Variants in PUDP observed in about 807,000 individuals in gnomAD.
The protein encoded by PUDP is pseudouridine-5'-phosphatase.
In PUDP, 8 loss-of-function variants were observed where a neutral mutation model predicts 9.4. The ratio of observed to expected loss-of-function variants is 0.85; its 90% CI spans 0.50 to 1.53. PUDP has a LOEUF of 1.53. Ranked by LOEUF, PUDP falls within the 40% of genes most tolerant of loss-of-function variation. The probability of loss-of-function intolerance (pLI) is 0.00; values close to 1 mark genes in which losing one functional copy is unlikely to be tolerated. For synonymous variants in PUDP, 99 were observed against 80.7 expected (o/e 1.23, Z -1.22); for missense variants, 188 against 189.7 (o/e 0.99, Z 0.05).
At chrX:7,028,031 T>A (rs768802084) in intron 1 of PUDP, among the ~76,000 whole-genome samples, 1 of 105,529 alleles carries the variant, frequency 9.5e-6, no homozygotes, top group African/African-American at 3.4e-5. Flanking sequence ...ATAGTTTATA[T>A]ATAGAATGAT....
chrX:6,955,572 A>G (rs770025821), intron 3 of PUDP, among the ~76,000 whole-genome samples: 2 of 111,321 alleles, frequency 1.8e-5, no homozygotes, highest in Non-Finnish European at 3.8e-5. Flanking sequence ...ATGCTTTTCT[A>G]CTATATCCAT....
chrX:6,759,349 C>A (rs996691687), intron 3 of PUDP, among the ~76,000 whole-genome samples: 5 of 112,058 alleles, frequency 4.5e-5, no homozygotes, highest in African/African-American at 1.6e-4. Flanking sequence ...GTGCTTCATC[C>A]ATTATGCCAT....
chrX:6,830,783 T>C (rs775081452), intron 3 of PUDP, among the ~76,000 whole-genome samples: 2 of 112,283 alleles, frequency 1.8e-5, no homozygotes, highest in Middle Eastern at 4.6e-3. Flanking sequence ...AAAAAGAGTG[T>C]AAATATTGTA....
At chrX:6,816,313 T>C (rs1926233356) in intron 3 of PUDP, among the ~76,000 whole-genome samples, 1 of 104,701 alleles carries the variant, frequency 9.6e-6, no homozygotes, top group South Asian at 4.1e-4. Flanking sequence ...CATATATTAA[T>C]ACATATATGT....
At chrX:6,872,200 T>C (rs1290912385) in intron 3 of PUDP, among the ~76,000 whole-genome samples, 2 of 111,466 alleles carry the variant, frequency 1.8e-5, no homozygotes, top group Admixed American at 9.6e-5. Context: ...ATTCAGTCCA[T>C]ACCTGCAGAG....
At chrX:6,982,168 CCA>C (rs1049437761) in intron 1 of PUDP, among the ~76,000 whole-genome samples, 5 of 103,894 alleles carry the variant, frequency 4.8e-5, no homozygotes, top group Non-Finnish European at 6.0e-5. Context: ...ACTTACGGAG[CCA>C]CACACACACA....
intron 1 of PUDP, among the ~76,000 whole-genome samples, chrX:7,110,089 C>G (rs1453271298): frequency 8.9e-6 from 1 of 112,112 alleles, no homozygotes; most frequent in African/African-American, 3.2e-5. Context: ...TCTGAAGAAG[C>G]TACAGGGTGC....
chrX:6,807,292 G>A (rs1926066685), intron 3 of PUDP, among the ~76,000 whole-genome samples: 1 of 112,032 alleles, frequency 8.9e-6, no homozygotes, highest in African/African-American at 3.2e-5. Flanking sequence ...CTGCACAGAT[G>A]TCTTACCCTG....
rs752300124 is a variant in PUDP at position 6,743,822 on chromosome X, G to A, written c.*248-37356C>T. 2.8e-3 allele frequency among the ~76,000 whole-genome samples: 313 copies of A among 112,181 alleles called. 1 individual carries two copies. Among genetic ancestry groups the A allele is most frequent in the Non-Finnish European group, 4.5e-3 (238 of 53,299 alleles). ...TTCCAAAATGCCAATTTGTTATTTG[G>A]CATACAGGGAAGTTATAATAAGGGG... On this transcript the variant is annotated intron_variant and NMD_transcript_variant, in intron 3 of 3. Transcript: ENST00000655425.
intron 3 of PUDP, among the ~76,000 whole-genome samples, chrX:6,837,298 C>A (rs1926597518): frequency 8.9e-6 from 1 of 112,597 alleles, no homozygotes; most frequent in African/African-American, 3.2e-5. Flanking sequence ...CTGAAAGGAT[C>A]TGCTATCACA....
intron 3 of PUDP, among the ~76,000 whole-genome samples, chrX:6,876,870 CAT>C (rs1326454766): frequency 2.8e-5 from 3 of 108,485 alleles, no homozygotes; most frequent in East Asian, 2.9e-4. Context: ...TATACACACA[CAT>C]ATAAATATAG....
intron 2 of PUDP, among the ~76,000 whole-genome samples, chrX:7,095,504 T>G (rs1166085714): frequency 8.9e-6 from 1 of 112,284 alleles, no homozygotes; most frequent in African/African-American, 3.2e-5. Context: ...CTGGGGTTCC[T>G]AGGCACTGTC....
At chrX:7,072,006 G>T (rs1038703871) in intron 3 of PUDP, among the ~76,000 whole-genome samples, 1 of 110,901 alleles carries the variant, frequency 9.0e-6, no homozygotes, top group Non-Finnish European at 1.9e-5. Flanking sequence ...TCCCAGGCTA[G>T]TCTTTAACTC....
intron 2 of PUDP, among the ~76,000 whole-genome samples, chrX:7,081,657 C>G (rs1931092066): frequency 8.9e-6 from 1 of 112,769 alleles, no homozygotes; most frequent in Admixed American, 9.3e-5. Flanking sequence ...GCTTGGGACT[C>G]CTATGAAGAT....
intron 2 of PUDP, among the ~76,000 whole-genome samples, chrX:7,078,499 G>A (rs1363314941): frequency 4.5e-5 from 5 of 111,896 alleles, no homozygotes; most frequent in Non-Finnish European, 7.5e-5. Flanking sequence ...CACCATGTTG[G>A]CCAGGCTGGT....
At chrX:6,746,887 G>GTACATT (rs1283934872) in intron 3 of PUDP, among the ~76,000 whole-genome samples, 3 of 111,351 alleles carry the variant, frequency 2.7e-5, no homozygotes, top group African/African-American at 6.5e-5. Flanking sequence ...ACATGTACAT[G>GTACATT]TATCTTTGTA....
At chrX:7,117,155 T>C in intron 1 of PUDP, 2 of 992,629 alleles carry the variant, frequency 2.0e-6, no homozygotes, top group Non-Finnish European at 2.7e-6. Flanking sequence ...GGCGTGTTGC[T>C]ACAAGGATAC....
chrX:6,986,110 G>A (rs1929099380), intron 1 of PUDP, among the ~76,000 whole-genome samples: 1 of 111,652 alleles, frequency 9.0e-6, no homozygotes, highest in Admixed American at 9.5e-5. Flanking sequence ...CTAAAAAGGG[G>A]AGGCATGAAT....
At chrX:6,942,557 G>A (rs1359162456) in intron 3 of PUDP, among the ~76,000 whole-genome samples, 1 of 111,690 alleles carries the variant, frequency 9.0e-6, no homozygotes, top group Non-Finnish European at 1.9e-5. Flanking sequence ...ATTTTGGGGT[G>A]GTGTATTCTA....
Sources: gnomAD v4.1 joint callset for allele counts (sites outside exome capture counted in the v4.1 genomes callset) on GRCh38, gnomAD v4.1.1 for gene constraint, MANE v1.5 for transcripts, NCBI Gene and HGNC (gene_info 2026-07-23, HGNC 2026-07-21) for gene names.